ZMAT1: variants seen among roughly 807,000 people sequenced by gnomAD.
The protein encoded by ZMAT1 is zinc finger matrin-type 1.
In ZMAT1, 11 loss-of-function variants were observed where a neutral mutation model predicts 18.5. The ratio of observed to expected loss-of-function variants is 0.59; its 90% confidence interval spans 0.37 to 0.98. The LOEUF (loss-of-function observed/expected upper bound fraction) is 0.98, where lower values mean the gene tolerates loss of function less well. Among genes scored for constraint, ZMAT1 ranks in the 50% least tolerant of loss-of-function variants. The probability of loss-of-function intolerance (pLI) is 0.01; values close to 1 mark genes in which losing one functional copy is unlikely to be tolerated. For missense variants in ZMAT1, 525 were observed against 496.2 expected (o/e 1.06, Z -0.55); for synonymous variants, 211 against 176.4 (o/e 1.20, Z -1.55).
intron 4 of ZMAT1, among the ~76,000 whole-genome samples, chrX:101,890,438 C>A (rs1249446473): frequency 1.8e-5 from 2 of 111,334 alleles, no homozygotes; most frequent in African/African-American, 6.5e-5. Context: ...TGTAAGAAAG[C>A]AGGTAAGGGC....
chrX:101,924,439 A>G (rs1929935672), intron 1 of ZMAT1, among the ~76,000 whole-genome samples: 1 of 112,262 alleles, frequency 8.9e-6, no homozygotes, highest in Non-Finnish European at 1.9e-5. Context: ...GAAACTTGGT[A>G]TTGAGATCTT....
chrX:101,903,974 T>C (rs984882387), intron 2 of ZMAT1, among the ~76,000 whole-genome samples: 1 of 111,711 alleles, frequency 9.0e-6, no homozygotes, highest in African/African-American at 3.3e-5. Context: ...GCTTGATGGA[T>C]GCAAAGGGAG....
intron 1 of ZMAT1, among the ~76,000 whole-genome samples, chrX:101,922,811 C>T (rs1232029090): frequency 9.0e-6 from 1 of 111,534 alleles, no homozygotes; most frequent in Non-Finnish European, 1.9e-5. Flanking sequence ...GATTTTTGGA[C>T]TCCCAGAAAA....
intron 1 of ZMAT1, among the ~76,000 whole-genome samples, chrX:101,914,767 G>T (rs112648754): frequency 0.06 from 6,672 of 110,893 alleles, 435 homozygotes; most frequent in African/African-American, 0.19. Flanking sequence ...AACATTTAAA[G>T]AACTACGACC....
intron 1 of ZMAT1, among the ~76,000 whole-genome samples, chrX:101,914,588 G>A (rs939137596): frequency 1.8e-5 from 2 of 110,972 alleles, no homozygotes; most frequent in Non-Finnish European, 3.8e-5. Context: ...CAGTAATTTG[G>A]AAAATCTAGA....
At chrX:101,896,933 A>T (rs1257696613) in intron 4 of ZMAT1, among the ~76,000 whole-genome samples, 1 of 110,347 alleles carries the variant, frequency 9.1e-6, no homozygotes, top group Non-Finnish European at 1.9e-5. Flanking sequence ...TCAGTAACTA[A>T]CTGATGATGC....
At chrX:101,924,123 G>GT (rs1345063839) in intron 1 of ZMAT1, among the ~76,000 whole-genome samples, 1 of 110,051 alleles carries the variant, frequency 9.1e-6, no homozygotes, top group Non-Finnish European at 1.9e-5. Flanking sequence ...GTTTTTTTTT[G>GT]TTTTTTGAGA....
chrX:101,886,970 C>G, intron 4 of ZMAT1: 1 of 254,524 alleles, frequency 3.9e-6, no homozygotes, highest in East Asian at 6.6e-5. Flanking sequence ...CCACACCACA[C>G]TGCTTCTCTA....
intron 5 of ZMAT1, 65 bp downstream of exon 5, chrX:101,886,567 A>G: frequency 1.3e-6 from 1 of 780,999 alleles, no homozygotes; most frequent in Non-Finnish European, 1.9e-6. Flanking sequence ...AAAATACATC[A>G]AAGAGTGCTT....
intron 1 of ZMAT1, among the ~76,000 whole-genome samples, chrX:101,911,037 A>T (rs918087582): frequency 9.0e-6 from 1 of 111,670 alleles, no homozygotes; most frequent in Non-Finnish European, 1.9e-5. Context: ...CAGCAAGAGA[A>T]AAGAAAAAAA....
intron 1 of ZMAT1, chrX:101,931,371 A>T (rs1343623247): frequency 1.7e-5 from 12 of 691,103 alleles, no homozygotes; most frequent in Non-Finnish European, 3.4e-6. Flanking sequence ...CTTCCAAATC[A>T]CACCTCAGCT....
chrX:101,890,056 T>G (rs1291090398), intron 4 of ZMAT1: 2 of 112,135 alleles, frequency 1.8e-5, no homozygotes, highest in Non-Finnish European at 3.8e-5. Context: ...CTTCAGTTAA[T>G]TATTATTCAA....
intron 1 of ZMAT1, among the ~76,000 whole-genome samples, chrX:101,912,420 C>T (rs144206430): frequency 1.7e-3 from 194 of 112,321 alleles, no homozygotes; most frequent in Non-Finnish European, 2.6e-3. Flanking sequence ...AAGGATTCAC[C>T]GTATTCCAAA....
At chrX:101,890,507 T>G (rs1004417634) in intron 4 of ZMAT1, among the ~76,000 whole-genome samples, 1 of 111,494 alleles carries the variant, frequency 9.0e-6, no homozygotes, top group African/African-American at 3.3e-5. Context: ...CACAATGTGT[T>G]GAATCCAAAT....
At chrX:101,926,247 C>T (rs997314994) in intron 1 of ZMAT1, among the ~76,000 whole-genome samples, 3 of 111,861 alleles carry the variant, frequency 2.7e-5, no homozygotes, top group African/African-American at 9.7e-5. Flanking sequence ...ATATAAAATA[C>T]TCAATTCAGT....
chrX:101,901,701 C>T (rs1048272613), intron 2 of ZMAT1, among the ~76,000 whole-genome samples: 3 of 111,306 alleles, frequency 2.7e-5, no homozygotes, highest in Non-Finnish European at 3.8e-5. Context: ...CTTTACTACA[C>T]ATACATATCC....
intron 1 of ZMAT1, chrX:101,915,504 G>T (rs1427749826): frequency 9.0e-6 from 1 of 111,591 alleles, no homozygotes; most frequent in Admixed American, 9.5e-5. Context: ...AAATTTTCAG[G>T]AAACAAAATC....
At chrX:101,924,349 T>C (rs987992892) in intron 1 of ZMAT1, among the ~76,000 whole-genome samples, 1 of 111,787 alleles carries the variant, frequency 8.9e-6, no homozygotes, top group African/African-American at 3.3e-5. Flanking sequence ...TGACCACAGG[T>C]GATCCACTCA....
intron 2 of ZMAT1, among the ~76,000 whole-genome samples, chrX:101,900,824 T>C (rs1229603987): frequency 2.7e-5 from 3 of 111,797 alleles, no homozygotes; most frequent in Non-Finnish European, 5.6e-5. Flanking sequence ...AATTGTTTTT[T>C]ATAATTCCGT....
Sources: gnomAD v4.1 joint callset for allele counts (sites outside exome capture counted in the v4.1 genomes callset) on GRCh38, gnomAD v4.1.1 for gene constraint, MANE v1.5 for transcripts, NCBI Gene and HGNC (gene_info 2026-07-23, HGNC 2026-07-21) for gene names.